The following FAT3 variants were observed in gnomAD, a reference collection of about 807,000 sequenced individuals.
FAT3 encodes protocadherin Fat 3.
In FAT3, 95 loss-of-function variants were observed where a neutral mutation model predicts 310.2. The observed-to-expected ratio is 0.31, with a 90% CI of 0.26 to 0.36. The LOEUF (loss-of-function observed/expected upper bound fraction) is 0.36. Ranked by LOEUF, FAT3 falls within the 10% of genes least tolerant of loss-of-function variation. FAT3 has a pLI of 1.00. For synonymous variants in FAT3, 2,314 were observed against 2,192.9 expected (o/e 1.06, Z -1.54); for missense variants, 5,408 against 5,715.6 (o/e 0.95, Z 1.74).
chr11:92,337,983 A>T (rs568902567), intron 1 of FAT3, among the ~76,000 whole-genome samples: 13 of 152,350 alleles, frequency 8.5e-5, no homozygotes, highest in African/African-American at 3.1e-4. Context: ...AAAACGAGGA[A>T]ATAGGAAAGG....
chr11:92,582,112 G>A (rs574987), intron 3 of FAT3, among the ~76,000 whole-genome samples: 2 of 151,670 alleles, frequency 1.3e-5, no homozygotes, highest in African/African-American at 4.8e-5. Context: ...ATCTGTTAAC[G>A]GTCATGGCAC....
intron 3 of FAT3, among the ~76,000 whole-genome samples, chr11:92,622,764 A>G (rs1212717876): frequency 6.6e-6 from 1 of 152,172 alleles, no homozygotes; most frequent in Non-Finnish European, 1.5e-5. Context: ...GTGCTCTAGT[A>G]CTTTCTTCGT....
chr11:92,548,472 G>A (rs977389174), intron 3 of FAT3, among the ~76,000 whole-genome samples: 8 of 152,158 alleles, frequency 5.3e-5, no homozygotes, highest in Non-Finnish European at 1.2e-4. Flanking sequence ...TTTTTCATAA[G>A]AAAAGGGAGC....
chr11:92,501,975 G>A (rs539327888), intron 2 of FAT3, among the ~76,000 whole-genome samples: 53 of 151,858 alleles, frequency 3.5e-4, no homozygotes, highest in Non-Finnish European at 5.9e-4. Flanking sequence ...GCACGCGCGC[G>A]TGTGTGTGTA....
intron 3 of FAT3, among the ~76,000 whole-genome samples, chr11:92,633,304 G>C (rs1309919529): frequency 6.6e-6 from 1 of 152,088 alleles, no homozygotes; most frequent in Admixed American, 6.6e-5. Context: ...CTTGGGCTCA[G>C]TCTTTTTTTT....
At chr11:92,749,806 A>G (rs1438403167) in intron 4 of FAT3, among the ~76,000 whole-genome samples, 2 of 152,212 alleles carry the variant, frequency 1.3e-5, no homozygotes, top group East Asian at 1.9e-4. Flanking sequence ...CAGCCACAAC[A>G]TTAAATTCCT....
At chr11:92,257,118 T>C (rs1417943944) in intron 1 of FAT3, among the ~76,000 whole-genome samples, 2 of 152,170 alleles carry the variant, frequency 1.3e-5, no homozygotes, top group African/African-American at 4.8e-5. Context: ...TTGTCACTTC[T>C]TTTAAGAATG....
intron 21 of FAT3, among the ~76,000 whole-genome samples, chr11:92,865,433 CTTTTCT>C (rs1328623881): frequency 6.6e-6 from 1 of 152,086 alleles, no homozygotes; most frequent in Non-Finnish European, 1.5e-5. Flanking sequence ...ATTTCCTTTC[CTTTTCT>C]TTTTCTTTTC....
At chr11:92,375,730 A>T (rs1693997144) in intron 2 of FAT3, among the ~76,000 whole-genome samples, 1 of 152,164 alleles carries the variant, frequency 6.6e-6, no homozygotes, top group African/African-American at 2.4e-5. Flanking sequence ...CTTTTATTAG[A>T]TGCCGATGCC....
intron 2 of FAT3, among the ~76,000 whole-genome samples, chr11:92,407,698 G>T (rs1950162341): frequency 6.6e-6 from 1 of 152,052 alleles, no homozygotes; most frequent in Non-Finnish European, 1.5e-5. Context: ...ATGACTTTGG[G>T]GTCATAAATG....
intron 2 of FAT3, among the ~76,000 whole-genome samples, chr11:92,482,238 A>G (rs920833792): frequency 6.6e-6 from 1 of 152,184 alleles, no homozygotes; most frequent in South Asian, 2.1e-4. Flanking sequence ...CAACATTATT[A>G]CAATGAATAG....
At chr11:92,559,974 G>A (rs1303221920) in intron 3 of FAT3, among the ~76,000 whole-genome samples, 2 of 152,116 alleles carry the variant, frequency 1.3e-5, no homozygotes, top group Non-Finnish European at 2.9e-5. Context: ...ATATATCAAG[G>A]AACAGAATTG....
intron 1 of FAT3, among the ~76,000 whole-genome samples, chr11:92,312,511 C>T (rs2134460190): frequency 6.6e-6 from 1 of 152,200 alleles, no homozygotes; most frequent in African/African-American, 2.4e-5. Context: ...TCATTTTGCA[C>T]CACACAAAAC....
chr11:92,348,870 T>C (rs1191877016), intron 1 of FAT3, among the ~76,000 whole-genome samples: 1 of 152,152 alleles, frequency 6.6e-6, no homozygotes, highest in Non-Finnish European at 1.5e-5. Flanking sequence ...CGGAGCATAT[T>C]AAAGGCATCT....
chr11:92,662,400 T>C (rs1942816917), intron 3 of FAT3, among the ~76,000 whole-genome samples: 1 of 152,202 alleles, frequency 6.6e-6, no homozygotes, highest in Non-Finnish European at 1.5e-5. Context: ...TTCTCATTAC[T>C]CTGCTTCCTT....
At chr11:92,243,538 A>G (rs1864756784) in intron 1 of FAT3, among the ~76,000 whole-genome samples, 1 of 152,062 alleles carries the variant, frequency 6.6e-6, no homozygotes, top group Admixed American at 6.6e-5. Flanking sequence ...GAAAACTTTA[A>G]AAAAATTAAT....
chr11:92,753,773 G>GGTGTGTGTGTGTGTGTGT (rs145467493), intron 4 of FAT3, among the ~76,000 whole-genome samples: 68 of 128,148 alleles, frequency 5.3e-4, no homozygotes, highest in African/African-American at 2.0e-3. Flanking sequence ...AAGAAACTGT[G>GGTGTGTGTGTGTGTGTGT]GTGTGTGTGT....
At chr11:92,302,388 C>T (rs935484271) in intron 1 of FAT3, among the ~76,000 whole-genome samples, 15 of 151,638 alleles carry the variant, frequency 9.9e-5, no homozygotes, top group Middle Eastern at 3.4e-3. Context: ...TTTATTGTGT[C>T]GATATAAATT....
Position 92,801,927 on chromosome 11 carries a change from G to A in FAT3, c.8896+18G>A, listed in dbSNP as rs138964750. ...TATTACAGGTGAGTAAATACCCCCAGTTTTCATTATGTGCACTGCTTTATA... is the reference window on the plus strand; with the variant it reads ...TATTACAGGTGAGTAAATACCCCCAATTTTCATTATGTGCACTGCTTTATA... On this transcript the variant is annotated intron_variant, in intron 10 of 27. Coordinates refer to ENST00000525166, the MANE Select transcript of FAT3 (RefSeq NM_001367949.2). 659 of 1,601,438 alleles carry A rather than the reference G, an allele frequency of 4.1e-4. 1 individual carries two copies. The highest frequency in any genetic ancestry group is 3.4e-4 in the Non-Finnish European group (399 of 1,171,204).
Sources: gnomAD v4.1 joint callset for allele counts (sites outside exome capture counted in the v4.1 genomes callset) on GRCh38, gnomAD v4.1.1 for gene constraint, MANE v1.5 for transcripts, NCBI Gene and HGNC (gene_info 2026-07-23, HGNC 2026-07-21) for gene names.